Variants in CTNNBL1 observed in about 807,000 individuals in gnomAD.
CTNNBL1 encodes the protein beta-catenin-like protein 1.
In CTNNBL1, 31 loss-of-function variants were observed where a neutral mutation model predicts 72.7. The observed-to-expected ratio is 0.43, with a 90% confidence interval of 0.32 to 0.58. The LOEUF (loss-of-function observed/expected upper bound fraction) is 0.58. Ranked by LOEUF, CTNNBL1 falls within the 20% of genes least tolerant of loss-of-function variation. The pLI is 0.08. For synonymous variants in CTNNBL1, 240 were observed against 267.3 expected, an observed-to-expected ratio of 0.90 and a Z score of 1.00; for missense variants, 534 against 725.1, an observed-to-expected ratio of 0.74 and a Z score of 3.03.
At chr20:37,835,440 A>T (rs965063919) in intron 11 of CTNNBL1, among the ~76,000 whole-genome samples, 1 of 152,186 alleles carries the variant, frequency 6.6e-6, no homozygotes, top group African/African-American at 2.4e-5. Flanking sequence ...TCAAAAGAAG[A>T]TCTCATTTTT....
intron 15 of CTNNBL1, among the ~76,000 whole-genome samples, chr20:37,871,629 G>A (rs2072585434): frequency 6.6e-6 from 1 of 152,162 alleles, no homozygotes; most frequent in Admixed American, 6.5e-5. Context: ...GAGTTTTGGA[G>A]GGGACACAAA....
chr20:37,861,723 ACT>A (rs1482127942), intron 15 of CTNNBL1, among the ~76,000 whole-genome samples: 2 of 152,112 alleles, frequency 1.3e-5, no homozygotes, highest in African/African-American at 4.8e-5. Context: ...TCTGTTGTTT[ACT>A]CTGTTACCTC....
Position 37,737,537 on chromosome 20 carries a change from A to G in CTNNBL1, c.326+53A>G, listed in dbSNP as rs908209945. Reference sequence around the variant, plus strand: ...TCTCCTCTGTGGCGTTTCGTTGGCTAATTTTGTTTTGATTTTGGTTTGTTT... The same window carrying G: ...TCTCCTCTGTGGCGTTTCGTTGGCTGATTTTGTTTTGATTTTGGTTTGTTT... On this transcript the variant is annotated intron_variant, in intron 3 of 15. Coordinates refer to ENST00000361383, the MANE Select transcript of CTNNBL1 (RefSeq NM_030877.5). 7.7e-6 allele frequency: 10 copies of G among 1,292,028 alleles called. No individual in the cohort carries two copies. The Admixed American group carries it at 2.1e-4, about 27-fold the overall frequency. 80.0% of individuals were successfully genotyped at this position (1,292,028 alleles called of 1,614,324 possible).
intron 15 of CTNNBL1, among the ~76,000 whole-genome samples, chr20:37,860,693 G>T (rs570206530): frequency 5.6e-4 from 86 of 152,300 alleles, no homozygotes; most frequent in Non-Finnish European, 9.9e-4. Flanking sequence ...GCAAGGAAAT[G>T]ACAAGAAATA....
chr20:37,747,992 G>GCAGT (rs1420211078), intron 4 of CTNNBL1, among the ~76,000 whole-genome samples: 1 of 152,170 alleles, frequency 6.6e-6, no homozygotes, highest in Non-Finnish European at 1.5e-5. Context: ...TATCAGGTGT[G>GCAGT]CAGTAGCTTT....
intron 11 of CTNNBL1, among the ~76,000 whole-genome samples, chr20:37,830,546 T>G (rs536710228): frequency 6.6e-6 from 1 of 152,336 alleles, no homozygotes; most frequent in Admixed American, 6.5e-5. Context: ...ATTTAGGGAT[T>G]GTTACTGTGC....
chr20:37,798,599 G>A (rs191430730), intron 10 of CTNNBL1, among the ~76,000 whole-genome samples: 1 of 152,262 alleles, frequency 6.6e-6, no homozygotes, highest in East Asian at 1.9e-4. Flanking sequence ...TTGCCTAAGT[G>A]GTGATCAATA....
intron 11 of CTNNBL1, among the ~76,000 whole-genome samples, chr20:37,815,297 T>C (rs1458422425): frequency 1.3e-5 from 2 of 150,688 alleles, no homozygotes; most frequent in South Asian, 2.1e-4. Context: ...TGGGCTTAGA[T>C]GGTGACATTG....
At position 37,718,023 on chromosome 20, in the gene CTNNBL1, A is replaced by G. The variant is rs1440719170; in HGVS notation, c.31-14856A>G. Among the ~76,000 whole-genome samples, 457 of 151,920 alleles carry G rather than the reference A, an allele frequency of 3.0e-3. 2 individuals are homozygous for G. Among genetic ancestry groups the G allele is most frequent in the East Asian group, 0.014 (74 of 5,132 alleles). ...TGTCTACTTCTTTCTACACAGACAC[A>G]GCAACCATCCGATTTCTCAATCTTT... On this transcript the variant is annotated intron_variant, in intron 1 of 15. Coordinates refer to ENST00000361383, the MANE Select transcript of CTNNBL1 (RefSeq NM_030877.5).
At chr20:37,787,668 G>T (rs915096433) in intron 10 of CTNNBL1, among the ~76,000 whole-genome samples, 1 of 152,110 alleles carries the variant, frequency 6.6e-6, no homozygotes, top group Non-Finnish European at 1.5e-5. Context: ...TTAATCCAGC[G>T]TGAAAGTTTG....
Position 37,814,823 on chromosome 20 carries a change from G to A in CTNNBL1, c.1213+11775G>A, listed in dbSNP as rs193157310. The stretch of plus-strand genomic sequence containing the variant: ...CCAGAATTCTCACAGTACAAGCCTT[G>A]GTAAGCAGCCCTTTTACTTTCTCTC... On this transcript the variant is annotated intron_variant, in intron 11 of 15. Transcript: ENST00000361383. Among the ~76,000 whole-genome samples, 173 of 152,248 alleles carry A rather than the reference G, an allele frequency of 1.1e-3. 1 individual carries two copies. In the Middle Eastern group the frequency reaches 0.014, roughly 12 times the overall value.
chr20:37,765,100 G>A (rs2073453927), intron 5 of CTNNBL1, 97 bp from the exon 6 acceptor site: 1 of 787,682 alleles, frequency 1.3e-6, no homozygotes, highest in Non-Finnish European at 2.2e-6. Context: ...TACTTACTTT[G>A]TTCATTCAAA....
In CTNNBL1 at chr20:37,860,043, G is replaced by A; in HGVS notation, c.1530+7G>A. The A allele has an allele frequency of 8.1e-6, 13 of 1,614,022 alleles. No homozygotes were observed. The highest frequency in any genetic ancestry group is 1.1e-5 in the Non-Finnish European group (13 of 1,179,950). ...CAATGCCAATGTCCCCCAGGTAGGA[G>A]GGTCTTCCCCTGGATGGGCTTATCC... On this transcript the variant is annotated splice_region_variant and intron_variant, in intron 14 of 15. Coordinates refer to ENST00000361383, the MANE Select transcript of CTNNBL1 (RefSeq NM_030877.5).
At chr20:37,753,188 A>G (rs370773705) in intron 4 of CTNNBL1, among the ~76,000 whole-genome samples, 1 of 152,100 alleles carries the variant, frequency 6.6e-6, no homozygotes, top group East Asian at 1.9e-4. Context: ...CTGAAATGCT[A>G]TTTTGTGAAA....
intron 7 of CTNNBL1, among the ~76,000 whole-genome samples, chr20:37,768,523 C>T (rs745586788): frequency 1.3e-5 from 2 of 152,198 alleles, no homozygotes; most frequent in Non-Finnish European, 2.9e-5. Context: ...ATCATTCCCA[C>T]TGGTAAGTTT....
chr20:37,720,593 T>A (rs1043779824), intron 1 of CTNNBL1, among the ~76,000 whole-genome samples: 1 of 152,360 alleles, frequency 6.6e-6, no homozygotes. Flanking sequence ...GGCCCAGACA[T>A]TGACTACGAG....
intron 13 of CTNNBL1, among the ~76,000 whole-genome samples, chr20:37,857,619 C>T (rs539206997): frequency 6.6e-6 from 1 of 152,220 alleles, no homozygotes; most frequent in Admixed American, 6.5e-5. Context: ...TTATCTGTGT[C>T]TAAATAGTCT....
chr20:37,867,354 C>T (rs775267451), intron 15 of CTNNBL1, among the ~76,000 whole-genome samples: 8 of 152,158 alleles, frequency 5.3e-5, no homozygotes, highest in Non-Finnish European at 1.2e-4. Context: ...TGTGAATACT[C>T]ATCCAGGTCT....
chr20:37,779,825 C>G (rs2122692879), intron 10 of CTNNBL1, among the ~76,000 whole-genome samples: 1 of 152,282 alleles, frequency 6.6e-6, no homozygotes, highest in South Asian at 2.1e-4. Flanking sequence ...ACGTGCAAGA[C>G]AGTTCTAGAA....
Sources: gnomAD v4.1 joint callset for allele counts (sites outside exome capture counted in the v4.1 genomes callset) on GRCh38, gnomAD v4.1.1 for gene constraint, MANE v1.5 for transcripts, NCBI Gene and HGNC (gene_info 2026-07-23, HGNC 2026-07-21) for gene names.